ADGRV1: variants seen among roughly 807,000 people sequenced by gnomAD.
ADGRV1 encodes the protein adhesion G protein-coupled receptor V1, also known as G-protein coupled receptor 98.
ADGRV1 carries 359 observed loss-of-function variants against 596.2 expected under a neutral mutation model. That is an observed-to-expected ratio of 0.60 (90% CI 0.55 to 0.66). The LOEUF is 0.66. ADGRV1 is among the 30% of genes least tolerant of loss of function. The pLI, the probability that ADGRV1 is intolerant of heterozygous loss-of-function variation, is 0.00. For missense variants in ADGRV1, 7,274 were observed against 7,575.6 expected, an observed-to-expected ratio of 0.96 and a Z score of 1.48; for synonymous variants, 2,681 against 2,679.2, an observed-to-expected ratio of 1.00 and a Z score of -0.02.
intron 85 of ADGRV1, among the ~76,000 whole-genome samples, chr5:90,997,728 A>G (rs1477569097): frequency 6.6e-6 from 1 of 152,192 alleles, no homozygotes; most frequent in African/African-American, 2.4e-5. Context: ...TAGATAGACA[A>G]TGAGTCAAAT....
rs764274959 is a variant in ADGRV1, at chr5:90,805,340, C to T, written c.14718C>T (p.His4906=). 9.9e-6 allele frequency: 16 copies of T among 1,612,468 alleles called. No homozygotes were observed. The highest frequency in any genetic ancestry group is 8.8e-5 in the South Asian group (8 of 90,890). ...QLMNITAGTS[H]VMISRRGTYG... is the part of the protein sequence containing the mutation. The stretch of plus-strand genomic sequence containing the variant: ...TGAACATCACTGCTGGCACAAGCCA[C>T]GTTATGATTTCTAGGAGAGGCACAT... Residue 4906 remains histidine (H), a synonymous_variant, in exon 72 of 90, where the codon CAC becomes CAT. Coordinates refer to ENST00000405460, the MANE Select transcript of ADGRV1 (RefSeq NM_032119.4).
At chr5:90,830,773 G>A (rs1454502301) in intron 77 of ADGRV1, among the ~76,000 whole-genome samples, 1 of 152,046 alleles carries the variant, frequency 6.6e-6, no homozygotes, top group Non-Finnish European at 1.5e-5. Context: ...CCATATATCT[G>A]GTCAAACATT....
Position 90,720,933 on chromosome 5 carries a change from A to G in ADGRV1, c.9624-2A>G. The G allele has an allele frequency of 6.2e-7, 1 of 1,602,364 alleles. No homozygotes were observed. Among genetic ancestry groups the G allele is most frequent in the Non-Finnish European group, 8.5e-7 (1 of 1,174,252 alleles). ...TTCCCTCAATCCATGTATTTCTTTC[A>G]GAGCCACCTCCATAGACATCGAAGA... On this transcript the variant is annotated splice_acceptor_variant, in intron 44 of 89. Coordinates refer to ENST00000405460, the MANE Select transcript of ADGRV1 (RefSeq NM_032119.4). LOFTEE classifies it high-confidence loss of function.
chr5:90,627,632 A>G lies in ADGRV1; in HGVS notation c.1094A>G (p.Asp365Gly), dbSNP rs779719772. Residue 365 changes from aspartate (D) to glycine (G), a missense_variant, in exon 7 of 90, where the codon GAT becomes GGT. This residue lies in a region of ADGRV1 where 1,715 missense variants were observed against 1,708.8 expected (regional missense o/e 1.00). Transcript: ENST00000405460. ...TCGTTTCACATTATGTTACTAAAAGATACCTTACAGGGAGATGCTGTGCTA... is the reference window on the plus strand; with the variant it reads ...TCGTTTCACATTATGTTACTAAAAGGTACCTTACAGGGAGATGCTGTGCTA... Reference protein sequence around the residue: ...AESFHIMLLKDTLQGDAVLIS... With the variant: ...AESFHIMLLKGTLQGDAVLIS... 16 of 1,613,788 alleles carry G rather than the reference A, an allele frequency of 9.9e-6. No individual in the cohort carries two copies. Among genetic ancestry groups the G allele is most frequent in the Admixed American group, 6.7e-5 (4 of 59,998 alleles).
intron 85 of ADGRV1, among the ~76,000 whole-genome samples, chr5:90,987,735 T>C (rs541735042): frequency 1.3e-5 from 2 of 152,128 alleles, no homozygotes; most frequent in South Asian, 2.1e-4. Flanking sequence ...TTGTATGAAC[T>C]AATGGCCCAT....
At chr5:90,686,857 C>T (rs1334687153) in intron 29 of ADGRV1, among the ~76,000 whole-genome samples, 2 of 152,138 alleles carry the variant, frequency 1.3e-5, no homozygotes, top group South Asian at 2.1e-4. Context: ...CCTATTTCTC[C>T]ACATCCTCTC....
chr5:90,593,970 T>C (rs1370030152), intron 1 of ADGRV1, among the ~76,000 whole-genome samples: 1 of 152,164 alleles, frequency 6.6e-6, no homozygotes, highest in African/African-American at 2.4e-5. Flanking sequence ...TGTATACATC[T>C]GCAAAAACAT....
At chr5:90,704,872 G>A (rs10078443) in intron 36 of ADGRV1, among the ~76,000 whole-genome samples, 1,669 of 151,888 alleles carry the variant, frequency 0.011, 27 homozygotes, top group African/African-American at 0.038. Flanking sequence ...GTGCAGTGGC[G>A]CGATCTCGGT....
At chr5:91,023,547 A>G (rs192909075) in intron 85 of ADGRV1, among the ~76,000 whole-genome samples, 4 of 152,264 alleles carry the variant, frequency 2.6e-5, no homozygotes, top group Admixed American at 2.6e-4. Context: ...TTTAGTTGCC[A>G]GAATACTGGG....
chr5:90,881,914 G>C (rs750276941), intron 83 of ADGRV1, among the ~76,000 whole-genome samples: 30 of 151,956 alleles, frequency 2.0e-4, no homozygotes, highest in Non-Finnish European at 8.8e-5. Context: ...TTGCTTTGTT[G>C]CTCAAGCTGG....
At chr5:90,939,860 T>C (rs1345840947) in intron 83 of ADGRV1, among the ~76,000 whole-genome samples, 2 of 152,162 alleles carry the variant, frequency 1.3e-5, no homozygotes, top group African/African-American at 4.8e-5. Context: ...ATGTGGAAAA[T>C]AGACAATAAT....
chr5:90,714,593 A>G (rs566622537), intron 42 of ADGRV1, among the ~76,000 whole-genome samples: 1 of 152,126 alleles, frequency 6.6e-6, no homozygotes, highest in Non-Finnish European at 1.5e-5. Context: ...TTATATTTAC[A>G]TTATTGCACA....
intron 85 of ADGRV1, among the ~76,000 whole-genome samples, chr5:91,045,741 T>G (rs1785748011): frequency 6.6e-6 from 1 of 152,146 alleles, no homozygotes; most frequent in Non-Finnish European, 1.5e-5. Flanking sequence ...CTGTTGCTGT[T>G]TACTGATTAT....
At chr5:91,055,075 G>A (rs562993671) in intron 85 of ADGRV1, among the ~76,000 whole-genome samples, 1 of 152,264 alleles carries the variant, frequency 6.6e-6, no homozygotes, top group East Asian at 1.9e-4. Flanking sequence ...TAAAAAGGTT[G>A]TAAGTTTTTC....
chr5:90,867,126 G>T (rs1206929758), intron 83 of ADGRV1, among the ~76,000 whole-genome samples: 1 of 152,078 alleles, frequency 6.6e-6, no homozygotes, highest in African/African-American at 2.4e-5. Flanking sequence ...CAAGTTTGCA[G>T]TTCAGGGTTC....
At chr5:90,830,487 A>G (rs1764433842) in intron 77 of ADGRV1, among the ~76,000 whole-genome samples, 1 of 152,158 alleles carries the variant, frequency 6.6e-6, no homozygotes, top group Non-Finnish European at 1.5e-5. Context: ...ATGATAAAAG[A>G]GATTTGAGGC....
At position 90,745,103 on chromosome 5, in the gene ADGRV1, G is replaced by A. The variant is rs144618536; in HGVS notation, c.10607G>A (p.Arg3536His). The change falls in exon 51 of 90, where the codon CGT becomes CAT. Residue 3536 changes from arginine to histidine, a missense_variant. Around this residue, in one of 5 missense-constraint regions of ADGRV1, gnomAD observed 3,643 missense variants for 3,809.2 expected, o/e 0.96. Transcript: ENST00000405460. ...MSALYCWNSE[R>H]NQFSFVLEVP... ...GCTCTTTACTGCTGGAATTCGGAGC[G>A]TAATCAATTCTCTTTTGTTCTGGAA... The A allele has an allele frequency of 9.5e-4, 1,541 of 1,613,714 alleles. 8 individuals carry two copies. In the African/African-American group the frequency reaches 0.01, roughly 11 times the overall value.
chr5:90,702,472 A>G (rs1748028497), intron 34 of ADGRV1, among the ~76,000 whole-genome samples: 1 of 151,866 alleles, frequency 6.6e-6, no homozygotes, highest in Non-Finnish European at 1.5e-5. Context: ...TTGTGTTTAA[A>G]TTTAGTATGA....
At chr5:90,560,812 TAA>T (rs1754726293) in intron 1 of ADGRV1, among the ~76,000 whole-genome samples, 1 of 152,172 alleles carries the variant, frequency 6.6e-6, no homozygotes, top group South Asian at 2.1e-4. Flanking sequence ...GATATATTTG[TAA>T]CACAAATGGT....
Sources: allele counts gnomAD v4.1 joint callset (sites outside exome capture counted in the v4.1 genomes callset), GRCh38; gene constraint gnomAD v4.1.1; regional missense constraint gnomAD v4.1.1; transcripts MANE v1.5; gene names NCBI Gene and HGNC (gene_info 2026-07-23, HGNC 2026-07-21).